RUNDC3B: variants seen among roughly 807,000 people sequenced by gnomAD.
RUNDC3B encodes the protein RUN domain containing 3B.
RUNDC3B carries 33 observed loss-of-function variants against 58.4 expected under a neutral mutation model. The ratio of observed to expected loss-of-function variants is 0.56; its 90% CI spans 0.43 to 0.75. The LOEUF (loss-of-function observed/expected upper bound fraction) is 0.75. RUNDC3B is among the 30% of genes least tolerant of loss of function. RUNDC3B has a pLI of 0.00. For synonymous variants in RUNDC3B, 193 were observed against 195.2 expected, an observed-to-expected ratio of 0.99 and a Z score of 0.10; for missense variants, 501 against 535.7, an observed-to-expected ratio of 0.94 and a Z score of 0.64.
intron 4 of RUNDC3B, among the ~76,000 whole-genome samples, chr7:87,733,778 G>T (rs1831747997): frequency 6.6e-6 from 1 of 152,184 alleles, no homozygotes; most frequent in South Asian, 2.1e-4. Context: ...ATGCCTGAGT[G>T]AAGGAGTCGG....
At chr7:87,684,380 C>G (rs1248663469) in intron 2 of RUNDC3B, among the ~76,000 whole-genome samples, 2 of 152,062 alleles carry the variant, frequency 1.3e-5, no homozygotes, top group African/African-American at 2.4e-5. Flanking sequence ...AAAACAATTT[C>G]ATGAAGGAAG....
chr7:87,640,948 C>G (rs1238444220), intron 1 of RUNDC3B, among the ~76,000 whole-genome samples: 1 of 152,092 alleles, frequency 6.6e-6, no homozygotes, highest in East Asian at 1.9e-4. Flanking sequence ...CTTCTCATCT[C>G]TTGAATGTAT....
At chr7:87,758,070 A>C (rs2130847833) in intron 6 of RUNDC3B, among the ~76,000 whole-genome samples, 1 of 152,284 alleles carries the variant, frequency 6.6e-6, no homozygotes, top group Non-Finnish European at 1.5e-5. Context: ...CTTTAATCTC[A>C]GCAATTTGGA....
chr7:87,683,154 T>A (rs977322631), intron 2 of RUNDC3B, among the ~76,000 whole-genome samples: 1 of 152,216 alleles, frequency 6.6e-6, no homozygotes. Context: ...TCTTTGCCTC[T>A]CTCATCCTTC....
chr7:87,662,447 G>A (rs995629294), intron 2 of RUNDC3B, among the ~76,000 whole-genome samples: 4 of 152,036 alleles, frequency 2.6e-5, no homozygotes, highest in Non-Finnish European at 4.4e-5. Context: ...AGAGAGAGGG[G>A]TCTAGTTTCA....
At chr7:87,762,079 A>C (rs1475902971) in intron 6 of RUNDC3B, among the ~76,000 whole-genome samples, 1 of 151,544 alleles carries the variant, frequency 6.6e-6, no homozygotes, top group African/African-American at 2.4e-5. Context: ...TTTTGTTTTT[A>C]GTTATGAATA....
intron 4 of RUNDC3B, among the ~76,000 whole-genome samples, chr7:87,723,162 TATTGAA>T (rs1277132853): frequency 6.6e-6 from 1 of 152,192 alleles, no homozygotes; most frequent in Middle Eastern, 3.2e-3. Flanking sequence ...GATTTTTAAC[TATTGAA>T]ATTAAAAGTG....
intron 6 of RUNDC3B, among the ~76,000 whole-genome samples, chr7:87,744,131 G>A (rs1301271384): frequency 6.6e-6 from 1 of 152,050 alleles, no homozygotes; most frequent in African/African-American, 2.4e-5. Context: ...TAAGTATTTG[G>A]GTTTATTTCT....
chr7:87,829,282 T>TA (rs1452647734), intron 10 of RUNDC3B, among the ~76,000 whole-genome samples: 3 of 152,216 alleles, frequency 2.0e-5, no homozygotes, highest in African/African-American at 7.2e-5. Context: ...ACCCTGTTGA[T>TA]AGTTTCTTTT....
chr7:87,713,124 A>T (rs1431048499), intron 4 of RUNDC3B: 1 of 152,228 alleles, frequency 6.6e-6, no homozygotes, highest in Non-Finnish European at 1.5e-5. Context: ...TTAGATTTGT[A>T]AAATACAAAC....
chr7:87,656,194 C>T (rs1824082853), intron 2 of RUNDC3B, among the ~76,000 whole-genome samples: 1 of 151,812 alleles, frequency 6.6e-6, no homozygotes, highest in Non-Finnish European at 1.5e-5. Flanking sequence ...TTAGCCATTC[C>T]ATGATATATA....
At position 87,831,035 on chromosome 7, in the gene RUNDC3B, T is replaced by C. The variant is rs1412514364; in HGVS notation, c.*1005T>C. 2 of 151,692 alleles carry C rather than the reference T, an allele frequency of 1.3e-5. No individual in the cohort carries two copies. Among genetic ancestry groups the C allele is most frequent in the African/African-American group, 4.8e-5 (2 of 41,378 alleles). The allele number at this position is 151,692 out of a possible 1,614,324, so 9.4% of individuals were successfully genotyped here. Reference sequence around the variant, plus strand: ...ACCAGAGTCTCATTTTAAAACATTTTAATGTTAAAACATCCCCACACTTAT... The same window carrying C: ...ACCAGAGTCTCATTTTAAAACATTTCAATGTTAAAACATCCCCACACTTAT... On this transcript the variant is annotated 3_prime_UTR_variant, in exon 11 of 11. Transcript: ENST00000394654.
At position 87,650,946 on chromosome 7, in the gene RUNDC3B, A is replaced by G; in HGVS notation, c.238+9A>G. On this transcript the variant is annotated intron_variant, in intron 2 of 10. Coordinates refer to ENST00000394654, the MANE Select transcript of RUNDC3B (RefSeq NM_001134405.2). The stretch of plus-strand genomic sequence containing the variant: ...AAGCCACCGGCTAAAAGGTAAAAGC[A>G]CTAATGTACTATTTATTTTCCCACC... 1 of 1,436,830 alleles carries G rather than the reference A, an allele frequency of 7.0e-7. No homozygotes were observed. The highest frequency in any genetic ancestry group is 9.8e-7 in the Non-Finnish European group (1 of 1,020,432). 89.0% of individuals were successfully genotyped at this position (1,436,830 alleles called of 1,614,324 possible).
chr7:87,708,962 C>A (rs1237379166), intron 3 of RUNDC3B, among the ~76,000 whole-genome samples: 2 of 152,112 alleles, frequency 1.3e-5, no homozygotes, highest in South Asian at 4.2e-4. Context: ...ATGGATCACC[C>A]TTATCAACTG....
chr7:87,645,081 C>CTTTTTTTT (rs551936794), intron 1 of RUNDC3B, among the ~76,000 whole-genome samples: 3 of 128,096 alleles, frequency 2.3e-5, no homozygotes, highest in Non-Finnish European at 1.7e-5. Context: ...TGCTTTCTTT[C>CTTTTTTTT]TTTTTTTTTT....
chr7:87,735,305 T>C (rs1831860703), intron 4 of RUNDC3B, among the ~76,000 whole-genome samples: 1 of 152,216 alleles, frequency 6.6e-6, no homozygotes, highest in Non-Finnish European at 1.5e-5. Context: ...TCTCCATGGC[T>C]CTTACAGTCA....
At chr7:87,755,373 C>G (rs1052692599) in intron 6 of RUNDC3B, among the ~76,000 whole-genome samples, 1 of 152,130 alleles carries the variant, frequency 6.6e-6, no homozygotes, top group Non-Finnish European at 1.5e-5. Flanking sequence ...AGGAAAGACT[C>G]CTCCCCAACT....
At chr7:87,772,367 A>G (rs1449001756) in intron 7 of RUNDC3B, among the ~76,000 whole-genome samples, 1 of 152,172 alleles carries the variant, frequency 6.6e-6, no homozygotes, top group Non-Finnish European at 1.5e-5. Context: ...AAATATCAGA[A>G]AGAGTCAGAG....
intron 2 of RUNDC3B, among the ~76,000 whole-genome samples, chr7:87,692,909 G>A (rs1348226802): frequency 1.3e-5 from 2 of 152,150 alleles, no homozygotes; most frequent in East Asian, 3.8e-4. Flanking sequence ...AAAATGTTAT[G>A]GAAGTAAGAG....
Sources: allele counts gnomAD v4.1 joint callset (sites outside exome capture counted in the v4.1 genomes callset), GRCh38; gene constraint gnomAD v4.1.1; transcripts MANE v1.5; gene names NCBI Gene and HGNC (gene_info 2026-07-23, HGNC 2026-07-21).